Variants in USP25 observed in about 807,000 individuals in gnomAD.
USP25 encodes the protein ubiquitin specific peptidase 25.
Under a neutral mutation model 158.5 loss-of-function variants are expected in USP25, and 85 were observed. The observed-to-expected ratio is 0.54, with a 90% CI of 0.45 to 0.64. The LOEUF (loss-of-function observed/expected upper bound fraction) is 0.64. Ranked by LOEUF, USP25 falls within the 30% of genes least tolerant of loss-of-function variation. USP25 has a pLI of 0.00. For missense variants in USP25, 1,242 were observed against 1,327.3 expected (o/e 0.94, Z 1.00); for synonymous variants, 464 against 460.4 (o/e 1.01, Z -0.10).
At chr21:15,774,095 A>G (rs2034506753) in intron 3 of USP25, among the ~76,000 whole-genome samples, 1 of 152,228 alleles carries the variant, frequency 6.6e-6, no homozygotes, top group African/African-American at 2.4e-5. Context: ...ACCCAAACTT[A>G]ACAGATGGTA....
chr21:15,751,112 T>G (rs1473096474), intron 1 of USP25, among the ~76,000 whole-genome samples: 3 of 152,114 alleles, frequency 2.0e-5, no homozygotes, highest in Admixed American at 6.5e-5. Context: ...AACTCTAAAG[T>G]AAGAAATGAA....
At chr21:15,877,261 T>C (rs1280288411) in intron 24 of USP25, 3 of 152,368 alleles carry the variant, frequency 2.0e-5, no homozygotes, top group African/African-American at 7.2e-5. Context: ...TATTAATCAC[T>C]TGAGTGCCCC....
At chr21:15,772,691 C>T (rs539477654) in intron 3 of USP25, among the ~76,000 whole-genome samples, 1 of 152,128 alleles carries the variant, frequency 6.6e-6, no homozygotes, top group Non-Finnish European at 1.5e-5. Flanking sequence ...ATTGATAATT[C>T]GTTACATGTT....
rs148551644 is a variant in USP25, at chr21:15,773,846, C to A, written c.269-4058C>A. On this transcript the variant is annotated intron_variant, in intron 3 of 25. Coordinates refer to ENST00000400183, the MANE Select transcript of USP25 (RefSeq NM_001283041.3). Reference sequence around the variant, plus strand: ...ACATATTTTATGAAAAACACATTTGCTGAAACAAAATGGTTAGAAGATTAC... The same window carrying A: ...ACATATTTTATGAAAAACACATTTGATGAAACAAAATGGTTAGAAGATTAC... Among the ~76,000 whole-genome samples, 357 of 152,218 alleles carry A rather than the reference C, an allele frequency of 2.3e-3. 5 individuals carry two copies. Among genetic ancestry groups the A allele is most frequent in the Middle Eastern group, 0.01 (3 of 294 alleles).
At chr21:15,832,699 A>G (rs985337485) in intron 16 of USP25, among the ~76,000 whole-genome samples, 2 of 151,538 alleles carry the variant, frequency 1.3e-5, no homozygotes, top group Admixed American at 6.6e-5. Flanking sequence ...CAGAAGTAGT[A>G]TTACATCACT....
At chr21:15,809,482 A>G (rs752186362) in intron 8 of USP25, among the ~76,000 whole-genome samples, 8 of 152,058 alleles carry the variant, frequency 5.3e-5, no homozygotes, top group Non-Finnish European at 1.2e-4. Context: ...CCCAACCCCT[A>G]CTGACCCAAG....
chr21:15,748,287 A>G (rs977525189), intron 1 of USP25, among the ~76,000 whole-genome samples: 9 of 151,930 alleles, frequency 5.9e-5, no homozygotes, highest in Non-Finnish European at 1.2e-4. Context: ...CTTGAATTAA[A>G]AAATATATTT....
At chr21:15,777,368 T>C (rs1399906528) in intron 3 of USP25, among the ~76,000 whole-genome samples, 1 of 152,090 alleles carries the variant, frequency 6.6e-6, no homozygotes, top group African/African-American at 2.4e-5. Context: ...TTAACCACTG[T>C]TAATAGTTTG....
chr21:15,835,051 C>G (rs569166846), intron 17 of USP25, among the ~76,000 whole-genome samples: 19 of 152,330 alleles, frequency 1.2e-4, no homozygotes, highest in Middle Eastern at 3.4e-3. Context: ...AATCACTCCT[C>G]AGAACCTGCC....
chr21:15,789,289 C>T (rs2035462397), intron 4 of USP25, among the ~76,000 whole-genome samples: 1 of 151,980 alleles, frequency 6.6e-6, no homozygotes, highest in Non-Finnish European at 1.5e-5. Context: ...AAAAGACCTT[C>T]CTGGGGTTTA....
Position 15,830,618 on chromosome 21 carries a change from G to C in USP25, c.1764+17G>C. The C allele has an allele frequency of 6.5e-7, 1 of 1,540,944 alleles. No individual in the cohort carries two copies. The highest frequency in any genetic ancestry group is 8.8e-7 in the Non-Finnish European group (1 of 1,133,680). ...ATGATACAAGTAAGTGAAATTTTGAGCTAGTAATCATTGTCAAAATTATTT... is the reference window on the plus strand; with the variant it reads ...ATGATACAAGTAAGTGAAATTTTGACCTAGTAATCATTGTCAAAATTATTT... On this transcript the variant is annotated intron_variant, in intron 15 of 25. Transcript: ENST00000400183.
chr21:15,860,351 C>T (rs897336118), intron 20 of USP25, among the ~76,000 whole-genome samples: 1 of 152,108 alleles, frequency 6.6e-6, no homozygotes, highest in Non-Finnish European at 1.5e-5. Context: ...GACAGGGTTT[C>T]ACTGTGTTGG....
At chr21:15,746,276 CTG>C (rs2032553997) in intron 1 of USP25, among the ~76,000 whole-genome samples, 1 of 152,172 alleles carries the variant, frequency 6.6e-6, no homozygotes, top group African/African-American at 2.4e-5. Context: ...TTCTTTCTGA[CTG>C]TTTGGACATC....
intron 7 of USP25, chr21:15,805,492 G>C (rs958690157): frequency 6.6e-5 from 21 of 319,072 alleles, no homozygotes; most frequent in Middle Eastern, 8.7e-4. Flanking sequence ...ATACAATTAA[G>C]ATTATTTACA....
intron 6 of USP25, among the ~76,000 whole-genome samples, chr21:15,804,791 G>T (rs746337660): frequency 8.5e-5 from 13 of 152,110 alleles, no homozygotes; most frequent in Non-Finnish European, 1.8e-4. Flanking sequence ...CAGCAGCTGG[G>T]CCTTGCTGAA....
chr21:15,844,933 T>C (rs1478980871), intron 18 of USP25, among the ~76,000 whole-genome samples: 1 of 152,186 alleles, frequency 6.6e-6, no homozygotes, highest in Non-Finnish European at 1.5e-5. Flanking sequence ...TTCCATTGAA[T>C]AATTAACTTC....
intron 5 of USP25, among the ~76,000 whole-genome samples, chr21:15,796,162 C>A (rs2035853216): frequency 6.6e-6 from 1 of 151,512 alleles, no homozygotes; most frequent in Non-Finnish European, 1.5e-5. Flanking sequence ...GTAAAAGTTA[C>A]CCTTTCTTAC....
intron 5 of USP25, among the ~76,000 whole-genome samples, chr21:15,795,551 G>C (rs192959539): frequency 7.4e-4 from 112 of 151,554 alleles, no homozygotes; most frequent in African/African-American, 2.4e-3. Flanking sequence ...ATGATCACTC[G>C]CTTTCTAAAA....
intron 4 of USP25, among the ~76,000 whole-genome samples, chr21:15,781,165 G>T (rs756418762): frequency 1.3e-5 from 2 of 152,140 alleles, no homozygotes; most frequent in Non-Finnish European, 2.9e-5. Context: ...CAGGCTGTCC[G>T]TGTGGCAGGA....
Sources: gnomAD v4.1 joint callset for allele counts (sites outside exome capture counted in the v4.1 genomes callset) on GRCh38, gnomAD v4.1.1 for gene constraint, MANE v1.5 for transcripts, NCBI Gene and HGNC (gene_info 2026-07-23, HGNC 2026-07-21) for gene names.